Variants in RBM47 observed in about 807,000 individuals in gnomAD.
RBM47 encodes the protein RNA binding motif protein 47.
In RBM47, 21 loss-of-function variants were observed where a neutral mutation model predicts 47.1. The observed-to-expected ratio is 0.45, with a 90% confidence interval of 0.32 to 0.64. The LOEUF (loss-of-function observed/expected upper bound fraction) is 0.64. Ranked by LOEUF, RBM47 falls within the 30% of genes least tolerant of loss-of-function variation. RBM47 has a pLI of 0.05. For synonymous variants in RBM47, 375 were observed against 361.7 expected (o/e 1.04, Z -0.42); for missense variants, 708 against 870.9 (o/e 0.81, Z 2.35).
intron 2 of RBM47, among the ~76,000 whole-genome samples, chr4:40,469,859 T>C (rs1718587041): frequency 6.6e-6 from 1 of 152,032 alleles, no homozygotes; most frequent in African/African-American, 2.4e-5. Context: ...GGTCTCTAAC[T>C]CTTAACCTCA....
chr4:40,430,728 C>T (rs1715851455), intron 6 of RBM47, among the ~76,000 whole-genome samples: 1 of 152,180 alleles, frequency 6.6e-6, no homozygotes, highest in African/African-American at 2.4e-5. Context: ...TGCAAAATAT[C>T]AATTCTAGGA....
At chr4:40,524,669 A>T (rs1726526317) in intron 2 of RBM47, among the ~76,000 whole-genome samples, 1 of 152,158 alleles carries the variant, frequency 6.6e-6, no homozygotes, top group Admixed American at 6.5e-5. Flanking sequence ...AGAATGCAGC[A>T]ATGGTGCACA....
At chr4:40,540,651 A>AATAAT (rs993895276) in intron 2 of RBM47, among the ~76,000 whole-genome samples, 1 of 117,154 alleles carries the variant, frequency 8.5e-6, no homozygotes, top group Non-Finnish European at 1.8e-5. Context: ...AAAAAAAAAA[A>AATAAT]AATAATAATA....
At chr4:40,624,865 T>C (rs960686827) in intron 1 of RBM47, among the ~76,000 whole-genome samples, 24 of 111,384 alleles carry the variant, frequency 2.2e-4, no homozygotes, top group African/African-American at 6.2e-4. Context: ...TTTTTCTTTT[T>C]TTTTTTTTTT....
chr4:40,433,868 C>T (rs1463938085), intron 5 of RBM47, among the ~76,000 whole-genome samples: 2 of 152,096 alleles, frequency 1.3e-5, no homozygotes, highest in Non-Finnish European at 2.9e-5. Context: ...CAAAGAATTT[C>T]TGCAAGTAAA....
In RBM47 at chr4:40,493,082, T is replaced by C. The variant is rs1439710519; in HGVS notation, c.-154-26383A>G. Among the ~76,000 whole-genome samples, 3 of 152,292 alleles carry C rather than the reference T, an allele frequency of 2.0e-5. No homozygotes were observed. The East Asian group carries it at 5.8e-4, about 29-fold the overall frequency. ...AGAAGCTCAAAAACTAGCCCTGTCA[T>C]TTTCCACTTAGGAACCCCAGGCAAG... is the stretch of plus-strand genomic sequence containing the variant. On this transcript the variant is annotated intron_variant, in intron 2 of 6. Coordinates refer to ENST00000295971, the MANE Select transcript of RBM47 (RefSeq NM_001098634.2).
chr4:40,569,569 C>A (rs924869774), intron 1 of RBM47, among the ~76,000 whole-genome samples: 6 of 147,918 alleles, frequency 4.1e-5, no homozygotes, highest in African/African-American at 7.3e-5. Context: ...ACCACCACAC[C>A]CGGCTAATTT....
At chr4:40,591,286 T>C (rs371689537) in intron 1 of RBM47, among the ~76,000 whole-genome samples, 23 of 152,294 alleles carry the variant, frequency 1.5e-4, no homozygotes, top group Admixed American at 1.1e-3. Flanking sequence ...TTATACCATA[T>C]TGTCAATCTA....
chr4:40,594,514 C>T (rs1000448555), intron 1 of RBM47, among the ~76,000 whole-genome samples: 8 of 126,846 alleles, frequency 6.3e-5, no homozygotes, highest in Non-Finnish European at 1.7e-5. Flanking sequence ...AAAGCTACTC[C>T]TCTGCATGAC....
intron 5 of RBM47, among the ~76,000 whole-genome samples, chr4:40,433,981 AGTGTGTGTGTGTGGGGCGGGGGTGTGT>A (rs1560352185): frequency 1.9e-5 from 2 of 103,234 alleles, no homozygotes; most frequent in South Asian, 3.9e-4. Context: ...CTTTTGTGTG[AGTGTGTGTGTGTGGGGCGGGGGTGTGT>A]GTGTGTGTGT....
chr4:40,529,127 T>C (rs942857177), intron 2 of RBM47, among the ~76,000 whole-genome samples: 2 of 152,070 alleles, frequency 1.3e-5, no homozygotes, highest in Non-Finnish European at 2.9e-5. Context: ...CTGGCTACCA[T>C]ATTAAAAATT....
chr4:40,424,217 G>A lies in RBM47; in HGVS notation c.*1687C>T, dbSNP rs1003193429. On this transcript the variant is annotated 3_prime_UTR_variant, in exon 7 of 7. Coordinates refer to ENST00000295971, the MANE Select transcript of RBM47 (RefSeq NM_001098634.2). ...GAATTCAGCCATCAACAAAAATCCC[G>A]TGAGTGGAAAATTGTATGGATCTCT... 61 of 152,522 alleles carry A rather than the reference G, an allele frequency of 4.0e-4. No individual in the cohort carries two copies. Among genetic ancestry groups the A allele is most frequent in the African/African-American group, 1.4e-3 (58 of 41,560 alleles). The allele number at this position is 152,522 out of a possible 1,614,324, so 9.4% of individuals were successfully genotyped here. A position where few individuals can be genotyped will look rare whatever the true frequency, so the allele number is the denominator to read the frequency against.
intron 1 of RBM47, among the ~76,000 whole-genome samples, chr4:40,565,776 T>C (rs905162380): frequency 1.3e-5 from 2 of 152,016 alleles, no homozygotes; most frequent in East Asian, 1.9e-4. Context: ...GGATAAATGA[T>C]AAAGAAACAA....
At chr4:40,499,768 G>C (rs1048813054) in intron 2 of RBM47, among the ~76,000 whole-genome samples, 5 of 152,106 alleles carry the variant, frequency 3.3e-5, no homozygotes, top group African/African-American at 1.2e-4. Context: ...GATAAACACA[G>C]GTCACAATTG....
At chr4:40,503,626 A>C (rs972686930) in intron 2 of RBM47, among the ~76,000 whole-genome samples, 1 of 152,190 alleles carries the variant, frequency 6.6e-6, no homozygotes, top group African/African-American at 2.4e-5. Context: ...GAAGGCTTTT[A>C]ATTATTTCAG....
intron 2 of RBM47, among the ~76,000 whole-genome samples, chr4:40,532,267 C>T (rs1352979039): frequency 1.3e-5 from 2 of 150,756 alleles, no homozygotes; most frequent in African/African-American, 4.9e-5. Context: ...TCCTCAGCCT[C>T]CCAAAATGCT....
At chr4:40,452,230 T>C (rs1414491914) in intron 3 of RBM47, among the ~76,000 whole-genome samples, 1 of 149,558 alleles carries the variant, frequency 6.7e-6, no homozygotes, top group African/African-American at 2.4e-5. Context: ...TGAGCAAAGG[T>C]GGGCATTTGC....
intron 2 of RBM47, among the ~76,000 whole-genome samples, chr4:40,527,070 A>G (rs1216165152): frequency 1.3e-5 from 2 of 152,000 alleles, no homozygotes; most frequent in African/African-American, 4.8e-5. Flanking sequence ...TGCTAGGCTT[A>G]TATCTTTGAA....
intron 1 of RBM47, among the ~76,000 whole-genome samples, chr4:40,568,806 C>A (rs1731358200): frequency 6.6e-6 from 1 of 151,838 alleles, no homozygotes; most frequent in Non-Finnish European, 1.5e-5. Flanking sequence ...CATGGTGAAA[C>A]CCCGTCTCTA....
Sources: gnomAD v4.1 joint callset for allele counts (sites outside exome capture counted in the v4.1 genomes callset) on GRCh38, gnomAD v4.1.1 for gene constraint, MANE v1.5 for transcripts, NCBI Gene and HGNC (gene_info 2026-07-23, HGNC 2026-07-21) for gene names.